The following LAMC3 variants were observed in gnomAD, a reference collection of about 807,000 sequenced individuals.
LAMC3 encodes the protein laminin subunit gamma 3, also known as laminin subunit gamma-3.
A neutral mutation model predicts 173.8 loss-of-function variants in LAMC3; 128 were observed. That is an observed-to-expected ratio of 0.74 (90% confidence interval 0.64 to 0.85). LAMC3 has a LOEUF of 0.85. LAMC3 is among the 40% of genes least tolerant of loss of function. LAMC3 has a pLI of 0.00. For synonymous variants in LAMC3, 897 were observed against 909.1 expected, an observed-to-expected ratio of 0.99 and a Z score of 0.24; for missense variants, 2,022 against 2,156.0, an observed-to-expected ratio of 0.94 and a Z score of 1.23.
chr9:131,059,301 G>C (rs1462867604), intron 12 of LAMC3, among the ~76,000 whole-genome samples: 1 of 151,890 alleles, frequency 6.6e-6, no homozygotes, highest in African/African-American at 2.4e-5. Flanking sequence ...GACCATCCTG[G>C]CTAACACGGT....
intron 27 of LAMC3, among the ~76,000 whole-genome samples, chr9:131,090,722 C>T (rs892872312): frequency 6.6e-6 from 1 of 152,088 alleles, no homozygotes; most frequent in South Asian, 2.1e-4. Context: ...GAAACCCTGT[C>T]TCTACAAAAA....
chr9:131,063,828 G>A (rs1399685278), intron 13 of LAMC3, among the ~76,000 whole-genome samples: 1 of 152,090 alleles, frequency 6.6e-6, no homozygotes, highest in Non-Finnish European at 1.5e-5. Flanking sequence ...TGCTAGCCTC[G>A]ACCTTGAATT....
chr9:131,045,571 G>T lies in LAMC3; in HGVS notation c.1430G>T (p.Cys477Phe). ...CTGCAGCCCCACAATCCAGCTGGCT[G>T]CAGCAGCTGTTTCTGCTATGGCCAC... ...FNLQPHNPAG[C>F]SSCFCYGHSK... Residue 477 changes from cysteine (C) to phenylalanine (F), a missense_variant, in exon 8 of 28, where the codon TGC (cysteine) becomes TTC (phenylalanine). Coordinates refer to ENST00000361069, the MANE Select transcript of LAMC3 (RefSeq NM_006059.4). The T allele has an allele frequency of 6.2e-7, 1 of 1,614,048 alleles. No individual in the cohort carries two copies. Among genetic ancestry groups the T allele is most frequent in the Non-Finnish European group, 8.5e-7 (1 of 1,179,998 alleles).
chr9:131,035,930 A>G (rs570766409), intron 3 of LAMC3, among the ~76,000 whole-genome samples: 20 of 152,180 alleles, frequency 1.3e-4, no homozygotes, highest in Non-Finnish European at 2.1e-4. Flanking sequence ...TCACCCATCC[A>G]TTCTATGGGG....
At chr9:131,067,498 G>A (rs548129284) in intron 14 of LAMC3, among the ~76,000 whole-genome samples, 5 of 152,258 alleles carry the variant, frequency 3.3e-5, no homozygotes, top group South Asian at 4.1e-4. Context: ...TGGCTGACCC[G>A]GTGATCGCCC....
chr9:131,024,665 G>A lies in LAMC3; in HGVS notation c.374-1620G>A, dbSNP rs542187851. 5.3e-5 allele frequency among the ~76,000 whole-genome samples: 8 copies of A among 152,330 alleles called. No individual in the cohort carries two copies. In the East Asian group the frequency reaches 1.5e-3, roughly 29 times the overall value. Reference sequence around the variant, plus strand: ...GGCTACTGCCAACGGTAGAGATGCAGGAGGGACTCCCTGCGTGGGCCGTTC... The same window carrying A: ...GGCTACTGCCAACGGTAGAGATGCAAGAGGGACTCCCTGCGTGGGCCGTTC... On this transcript the variant is annotated intron_variant, in intron 1 of 27. Transcript: ENST00000361069.
At chr9:131,045,786 C>A in intron 8 of LAMC3, 126 bp downstream of exon 8, 1 of 1,231,082 alleles carries the variant, frequency 8.1e-7, no homozygotes, top group Non-Finnish European at 1.2e-6. Flanking sequence ...GCCTGCACAG[C>A]CTAGGTGGGG....
Position 131,077,277 on chromosome 9 carries a change from G to T in LAMC3, c.3720G>T (p.Gln1240His), listed in dbSNP as rs1216406870. 1 of 1,614,072 alleles carries T rather than the reference G, an allele frequency of 6.2e-7. No individual in the cohort carries two copies. The highest frequency in any genetic ancestry group is 1.7e-5 in the Admixed American group (1 of 60,026). The stretch of plus-strand genomic sequence containing the variant: ...CGGAAAGCGTGTTGGCCACCGTGCA[G>T]CAAGTTGGCGCAGATACAGCCCCGT... ...PEAESVLATV[Q>H]QVGADTAPYL... The change falls in exon 22 of 28, where the codon CAG (glutamine) becomes CAT (histidine). Residue 1240 changes from glutamine to histidine, a missense_variant. Coordinates refer to ENST00000361069, the MANE Select transcript of LAMC3 (RefSeq NM_006059.4).
At chr9:131,070,338 G>T (rs1830018716) in intron 17 of LAMC3, among the ~76,000 whole-genome samples, 2 of 152,230 alleles carry the variant, frequency 1.3e-5, no homozygotes, top group African/African-American at 2.4e-5. Flanking sequence ...CCAGACTGGA[G>T]ATAGTTCAGG....
At position 131,061,121 on chromosome 9, in the gene LAMC3, G is replaced by T; in HGVS notation, c.2245G>T (p.Ala749Ser). Residue 749 changes from alanine (A) to serine (S), a missense_variant, in exon 13 of 28, where the codon GCC (alanine) becomes TCC (serine). Coordinates refer to ENST00000361069, the MANE Select transcript of LAMC3 (RefSeq NM_006059.4). Reference protein sequence around the residue: ...GFYGNPFAGQADDCQPCPCPG... With the variant: ...GFYGNPFAGQSDDCQPCPCPG... Reference sequence around the variant, plus strand: ...CTATGGCAACCCTTTCGCGGGCCAAGCCGACGACTGCCAGCCCTGTCCCTG... The same window carrying T: ...CTATGGCAACCCTTTCGCGGGCCAATCCGACGACTGCCAGCCCTGTCCCTG... The T allele has an allele frequency of 6.2e-7, 1 of 1,613,824 alleles. No homozygotes were observed. Among genetic ancestry groups the T allele is most frequent in the Non-Finnish European group, 8.5e-7 (1 of 1,180,026 alleles).
intron 13 of LAMC3, 75 bp downstream of exon 13, chr9:131,061,298 A>T (rs1829815878): frequency 7.6e-7 from 1 of 1,316,084 alleles, no homozygotes; most frequent in Admixed American, 2.0e-5. Flanking sequence ...CCTGGGCTCC[A>T]GGGTTAGGGC....
intron 19 of LAMC3, 56 bp from the exon 20 acceptor site, chr9:131,073,189 C>T (rs1047495099): frequency 1.2e-5 from 16 of 1,319,736 alleles, no homozygotes; most frequent in Non-Finnish European, 1.5e-5. Context: ...CCAGATGTGG[C>T]CCTTACCCTT....
chr9:131,055,927 G>A (rs1834396541), intron 11 of LAMC3, among the ~76,000 whole-genome samples: 1 of 152,074 alleles, frequency 6.6e-6, no homozygotes, highest in Non-Finnish European at 1.5e-5. Context: ...GCTGGGCGTG[G>A]TGGCTCAAGC....
Position 131,026,146 on chromosome 9 carries a change from T to C in LAMC3, c.374-139T>C. ...GCAGGCATCATGAATGGAGGGTGGC[T>C]TCCCCTGTCCAGAGCTCCAGACAGC... On this transcript the variant is annotated intron_variant, in intron 1 of 27. Transcript: ENST00000361069. The surrounding 1 kb of genome is among the most constrained non-coding windows in gnomAD (Gnocchi z 4.8). 1 of 1,515,784 alleles carries C rather than the reference T, an allele frequency of 6.6e-7. No individual in the cohort carries two copies. Among genetic ancestry groups the C allele is most frequent in the Non-Finnish European group, 8.9e-7 (1 of 1,125,106 alleles). 93.9% of individuals were successfully genotyped at this position (1,515,784 alleles called of 1,614,324 possible). A position where few individuals can be genotyped will look rare whatever the true frequency, so the allele number is the denominator to read the frequency against.
At chr9:131,010,246 G>C (rs1181011781) in intron 1 of LAMC3, among the ~76,000 whole-genome samples, 1 of 149,760 alleles carries the variant, frequency 6.7e-6, no homozygotes, top group Non-Finnish European at 1.5e-5. Flanking sequence ...GATCACTTAA[G>C]ACTGAGAGGT....
chr9:131,021,251 CT>C (rs1833618534), intron 1 of LAMC3: 1 of 152,192 alleles, frequency 6.6e-6, no homozygotes, highest in Admixed American at 6.5e-5. Context: ...GTTTTTGCAT[CT>C]GTAGTGGAAA....
In LAMC3 at chr9:131,067,127, A is replaced by G; in HGVS notation, c.2515A>G (p.Thr839Ala). ...CTGCCTGCGCTGCCTGCACAACACC[A>G]CGGGTGACCACTGTGAGCACTGTCA... is the stretch of plus-strand genomic sequence containing the variant. The part of the protein sequence containing the change: ...GHCLRCLHNT[T>A]GDHCEHCQEG... Residue 839 changes from threonine to alanine, a missense_variant, in exon 14 of 28, where the codon ACG becomes GCG. Transcript: ENST00000361069. The G allele has an allele frequency of 6.2e-7, 1 of 1,614,062 alleles. No individual in the cohort carries two copies. The highest frequency in any genetic ancestry group is 8.5e-7 in the Non-Finnish European group (1 of 1,180,014).
chr9:131,087,086 C>T (rs1002562502), intron 25 of LAMC3, among the ~76,000 whole-genome samples: 1 of 152,158 alleles, frequency 6.6e-6, no homozygotes, highest in Non-Finnish European at 1.5e-5. Context: ...TGCCTATCTC[C>T]CCAGCTCTGC....
intron 7 of LAMC3, among the ~76,000 whole-genome samples, chr9:131,045,228 A>ACAAC (rs554924811): frequency 1.8e-3 from 118 of 65,478 alleles, no homozygotes; most frequent in South Asian, 5.5e-3. Flanking sequence ...TCTCAAAAAA[A>ACAAC]AAAAAAAACA....
Sources: allele counts gnomAD v4.1 joint callset (sites outside exome capture counted in the v4.1 genomes callset), GRCh38; gene constraint gnomAD v4.1.1; non-coding constraint Gnocchi (gnomAD v3.1); transcripts MANE v1.5; gene names NCBI Gene and HGNC (gene_info 2026-07-23, HGNC 2026-07-21).